The following COL4A2 variants were observed in gnomAD, a reference collection of about 807,000 sequenced individuals.
COL4A2 encodes collagen type IV alpha 2 chain.
Under a neutral mutation model 200.2 loss-of-function variants are expected in COL4A2, and 99 were observed. That is an observed-to-expected ratio of 0.49 (90% confidence interval 0.42 to 0.58). The LOEUF (loss-of-function observed/expected upper bound fraction) is 0.58. Among genes scored for constraint, COL4A2 ranks in the 20% least tolerant of loss-of-function variants. COL4A2 has a pLI of 0.00. For synonymous variants in COL4A2, 897 were observed against 900.6 expected, an observed-to-expected ratio of 1.00 and a Z score of 0.07; for missense variants, 1,950 against 2,314.1, an observed-to-expected ratio of 0.84 and a Z score of 3.23.
intron 3 of COL4A2, chr13:110,341,097 G>C (rs1876431533): frequency 6.6e-6 from 1 of 152,400 alleles, no homozygotes; most frequent in Non-Finnish European, 1.5e-5. Flanking sequence ...AATCACGACA[G>C]AGAAGGGAAA....
intron 4 of COL4A2, among the ~76,000 whole-genome samples, chr13:110,359,617 G>A (rs1416702977): frequency 6.6e-6 from 1 of 152,198 alleles, no homozygotes; most frequent in Non-Finnish European, 1.5e-5. Context: ...TTCTACCGTA[G>A]CCATTTCCCA....
chr13:110,428,499 GC>G lies in COL4A2; in HGVS notation c.395del (p.Pro132ArgfsTer114), dbSNP rs780110501. 2.5e-6 allele frequency: 4 copies of G among 1,584,736 alleles called. No individual in the cohort carries two copies. In the African/African-American group the frequency reaches 4.1e-5, roughly 16 times the overall value. ...HPGQGGPRGR[P>X]GYDGCNGTQG... is the part of the protein sequence containing the mutation. ...CGGGGCAAGGTGGGCCCAGGGGAAG[GC>G]CGGGCTACGATGGCTGCAACGGAAC... is the stretch of plus-strand genomic sequence containing the variant. On this transcript the variant is annotated frameshift_variant, in exon 7 of 48. Transcript: ENST00000360467. LOFTEE classifies it high-confidence loss of function.
chr13:110,409,488 G>A (rs140934852), intron 4 of COL4A2, among the ~76,000 whole-genome samples: 82 of 152,362 alleles, frequency 5.4e-4, no homozygotes, highest in African/African-American at 1.9e-3. Context: ...CACCAAATGC[G>A]CAGGAAGCGT....
intron 3 of COL4A2, among the ~76,000 whole-genome samples, chr13:110,316,614 C>T (rs1308099962): frequency 2.0e-5 from 3 of 152,168 alleles, no homozygotes; most frequent in Admixed American, 6.5e-5. Context: ...CAGAACCTCT[C>T]GGAGCAGCTA....
chr13:110,510,768 C>G (rs1447570778), intron 47 of COL4A2, among the ~76,000 whole-genome samples: 1 of 152,212 alleles, frequency 6.6e-6, no homozygotes, highest in Admixed American at 6.5e-5. Context: ...ACATTGTGCT[C>G]CCTTCTGACC....
chr13:110,334,308 C>T (rs1876068869), intron 3 of COL4A2, among the ~76,000 whole-genome samples: 1 of 152,210 alleles, frequency 6.6e-6, no homozygotes, highest in South Asian at 2.1e-4. Flanking sequence ...TCAAGCACAG[C>T]AGATGTGGCC....
At chr13:110,354,756 A>G (rs1877117829) in intron 3 of COL4A2, among the ~76,000 whole-genome samples, 1 of 152,094 alleles carries the variant, frequency 6.6e-6, no homozygotes, top group South Asian at 2.1e-4. Flanking sequence ...TGAAAGAAAA[A>G]AAAAATCACC....
chr13:110,335,016 C>G (rs1181799094), intron 3 of COL4A2, among the ~76,000 whole-genome samples: 1 of 152,130 alleles, frequency 6.6e-6, no homozygotes, highest in African/African-American at 2.4e-5. Flanking sequence ...CTCTCTGTCC[C>G]TCACCTGTGC....
At chr13:110,470,476 C>G (rs1172617687) in intron 28 of COL4A2, among the ~76,000 whole-genome samples, 1 of 152,192 alleles carries the variant, frequency 6.6e-6, no homozygotes, top group Non-Finnish European at 1.5e-5. Flanking sequence ...CATAACCACA[C>G]ACCCTGAGAG....
chr13:110,318,848 A>C (rs1336644844), intron 3 of COL4A2, among the ~76,000 whole-genome samples: 3 of 152,066 alleles, frequency 2.0e-5, no homozygotes, highest in Admixed American at 6.5e-5. Flanking sequence ...GAAGCCACAG[A>C]GAGTGAAGTT....
chr13:110,482,098 G>A (rs1485853952), intron 31 of COL4A2, among the ~76,000 whole-genome samples: 2 of 152,254 alleles, frequency 1.3e-5, no homozygotes, highest in Non-Finnish European at 2.9e-5. Flanking sequence ...CTCTCCTTCC[G>A]GTGCTGGCGA....
chr13:110,497,217 A>G (rs574854198), intron 40 of COL4A2, among the ~76,000 whole-genome samples: 1 of 151,624 alleles, frequency 6.6e-6, no homozygotes, highest in South Asian at 2.1e-4. Flanking sequence ...CTCCACCAGC[A>G]CAACGTCACT....
intron 34 of COL4A2, among the ~76,000 whole-genome samples, chr13:110,486,188 G>T (rs374508693): frequency 6.6e-6 from 1 of 152,204 alleles, no homozygotes; most frequent in Non-Finnish European, 1.5e-5. Context: ...GCCCATGGCC[G>T]AATCACAGCG....
chr13:110,465,851 A>G, intron 25 of COL4A2, 152 bp from the exon 26 acceptor site: 2 of 982,762 alleles, frequency 2.0e-6, no homozygotes, highest in Non-Finnish European at 3.0e-6. Context: ...AAGTTCAGAG[A>G]TGGCTTTCCC....
intron 24 of COL4A2, among the ~76,000 whole-genome samples, chr13:110,464,510 T>C (rs1338037702): frequency 6.6e-6 from 1 of 152,138 alleles, no homozygotes; most frequent in Admixed American, 6.5e-5. Flanking sequence ...GCAACAGCCT[T>C]GTGTCCCCCT....
intron 25 of COL4A2, 111 bp from the exon 26 acceptor site, chr13:110,465,892 C>G: frequency 3.8e-6 from 5 of 1,331,722 alleles, no homozygotes; most frequent in Non-Finnish European, 5.2e-6. Context: ...CCTTCCTGCC[C>G]CCACCAGCAA....
At chr13:110,315,064 T>A (rs1885095847) in intron 3 of COL4A2, among the ~76,000 whole-genome samples, 1 of 152,210 alleles carries the variant, frequency 6.6e-6, no homozygotes, top group South Asian at 2.1e-4. Flanking sequence ...CTGCCATTGA[T>A]AACTGGAAAT....
At chr13:110,504,526 T>C (rs1181994745) in intron 45 of COL4A2, among the ~76,000 whole-genome samples, 1 of 152,182 alleles carries the variant, frequency 6.6e-6, no homozygotes, top group Non-Finnish European at 1.5e-5. Context: ...TCAGTAGACT[T>C]CAAGGGTCAG....
chr13:110,313,291 G>C (rs929795142), intron 3 of COL4A2, among the ~76,000 whole-genome samples: 2 of 152,132 alleles, frequency 1.3e-5, no homozygotes, highest in African/African-American at 4.8e-5. Flanking sequence ...CACTGCTCTT[G>C]ATTTCATTGG....
Sources: allele counts gnomAD v4.1 joint callset (sites outside exome capture counted in the v4.1 genomes callset), GRCh38; gene constraint gnomAD v4.1.1; transcripts MANE v1.5; gene names NCBI Gene and HGNC (gene_info 2026-07-23, HGNC 2026-07-21).